TOP1MT: variants seen among roughly 807,000 people sequenced by gnomAD.
The protein encoded by TOP1MT is DNA topoisomerase I, mitochondrial.
Under a neutral mutation model 73.9 loss-of-function variants are expected in TOP1MT, and 80 were observed. That is an observed-to-expected ratio of 1.08 (90% CI 0.90 to 1.30). The LOEUF is 1.30. Ranked by LOEUF, TOP1MT falls within the 50% of genes most tolerant of loss-of-function variation. The pLI is 0.00. For missense variants in TOP1MT, 815 were observed against 808.0 expected (o/e 1.01, Z -0.10); for synonymous variants, 338 against 326.4 (o/e 1.04, Z -0.38).
chr8:143,325,201 A>T, intron 5 of TOP1MT, 145 bp downstream of exon 5: 1 of 782,096 alleles, frequency 1.3e-6, no homozygotes, highest in Non-Finnish European at 2.0e-6. Context: ...GGCCACGCCT[A>T]CAGGCTGAGC....
rs1301291614 is a variant in TOP1MT at position 143,324,092 on chromosome 8, A to G, written c.867T>C (p.Phe289=). The G allele has an allele frequency of 1.9e-6, 3 of 1,613,870 alleles. No individual in the cohort carries two copies. Among genetic ancestry groups the G allele is most frequent in the Admixed American group, 1.7e-5 (1 of 60,022 alleles). Residue 289 remains phenylalanine (F), a synonymous_variant, in exon 7 of 14, where the codon TTT becomes TTC. Transcript: ENST00000329245. ...KFETARRLRG[F]VDEIRSQYRA... ...GGTACTGGGAGCGGATCTCGTCCAC[A>G]AATCCCCGCAGGCGTCGAGCTGTTT...
At position 143,342,081 on chromosome 8, in the gene TOP1MT, ATTATTATTAGAGTCTCGCTCTG is replaced by A. The variant is rs1218858714; in HGVS notation, c.29+1117_29+1138del. Among the ~76,000 whole-genome samples, 125 of 131,518 alleles carry A rather than the reference ATTATTATTAGAGTCTCGCTCTG, an allele frequency of 9.5e-4. 1 individual carries two copies. Among genetic ancestry groups the A allele is most frequent in the African/African-American group, 4.4e-3 (108 of 24,284 alleles). 86.3% of individuals were successfully genotyped at this position (131,518 alleles called of 152,430 possible). On this transcript the variant is annotated intron_variant, in intron 2 of 5. Transcript: ENST00000518007. ...AGAGACAGAGTCTCGCTCTGTTATTATTATTATTAGAGTCTCGCTCTGTTATTATTATTAGAGACACAGTCTC... is the reference window on the plus strand; with the variant it reads ...AGAGACAGAGTCTCGCTCTGTTATTATTATTATTATTAGAGACACAGTCTC...
At chr8:143,316,767 C>T (rs1433556916) in intron 10 of TOP1MT, among the ~76,000 whole-genome samples, 1 of 152,220 alleles carries the variant, frequency 6.6e-6, no homozygotes, top group Admixed American at 6.5e-5. Context: ...CCTACTGGAG[C>T]GGCCACTCCT....
Position 143,329,372 on chromosome 8 carries a change from T to A in TOP1MT, c.338A>T (p.Asn113Ile). Residue 113 changes from asparagine (N) to isoleucine (I), a missense_variant, in exon 3 of 14, where the codon AAC becomes ATC. This residue lies in a region of TOP1MT where 751 missense variants were observed against 725.4 expected (regional missense o/e 1.04). Coordinates refer to ENST00000329245, the MANE Select transcript of TOP1MT (RefSeq NM_052963.3). ...TACCTTTCGCCAGTCATTGAAGAAG[T>A]TCTTCCGGAAAACCTCCTTTGTTGT... ...EYTTKEVFRK[N>I]FFNDWRKEMA... 2 of 1,607,990 alleles carry A rather than the reference T, an allele frequency of 1.2e-6. No homozygotes were observed. Among genetic ancestry groups the A allele is most frequent in the South Asian group, 2.2e-5 (2 of 90,074 alleles).
rs1563758787 is a variant in TOP1MT at position 143,322,128 on chromosome 8, G to GGCACGCCACAC, written c.961-753_961-743dup. ...GCCACACATGCACGCCACACACACAGGCACGCCACACAGGCACGCCACACG... is the reference window on the plus strand; with the variant it reads ...GCCACACATGCACGCCACACACACAGGCACGCCACACGCACGCCACACAGGCACGCCACACG... On this transcript the variant is annotated intron_variant, in intron 7 of 13. Transcript: ENST00000329245. Among the ~76,000 whole-genome samples, 85 of 17,642 alleles carry GGCACGCCACAC rather than the reference G, an allele frequency of 4.8e-3. 8 individuals are homozygous for GGCACGCCACAC. The highest frequency in any genetic ancestry group is 0.01 in the African/African-American group (82 of 7,930). 11.6% of individuals were successfully genotyped at this position (17,642 alleles called of 152,430 possible). A position where few individuals can be genotyped will look rare whatever the true frequency, so the allele number is the denominator to read the frequency against.
rs756698265 is a variant in TOP1MT, at chr8:143,331,273, G to A, written c.189C>T (p.Phe63=). 22 of 1,612,204 alleles carry A rather than the reference G, an allele frequency of 1.4e-5. No homozygotes were observed. Among genetic ancestry groups the A allele is most frequent in the East Asian group, 4.5e-5 (2 of 44,856 alleles). The change falls in exon 2 of 14, where the codon TTC becomes TTT. Residue 63 remains phenylalanine, a synonymous_variant. Transcript: ENST00000329245. The stretch of plus-strand genomic sequence containing the variant: ...CGGGAAGGGGCTCGTATGGGGGTGC[G>A]AAGTACGGGCCCTTGTGCTCCAGCT... ...WRQLEHKGPY[F]APPYEPLPDG...
chr8:143,322,177 G>A (rs189268365), intron 7 of TOP1MT, among the ~76,000 whole-genome samples: 9 of 46,664 alleles, frequency 1.9e-4, no homozygotes, highest in Non-Finnish European at 1.6e-4. Flanking sequence ...CATGCCACAC[G>A]CACGCCACAC....
chr8:143,355,752 AT>A (rs139497259), intron 1 of TOP1MT, among the ~76,000 whole-genome samples: 6,271 of 152,236 alleles, frequency 0.041, 439 homozygotes, highest in African/African-American at 0.14. Context: ...GGCGGCTCGC[AT>A]TACGAACCTG....
chr8:143,339,678 T>C (rs1817040366), upstream of TOP1MT, among the ~76,000 whole-genome samples: 1 of 152,110 alleles, frequency 6.6e-6, no homozygotes, highest in Admixed American at 6.5e-5. Context: ...CACTGTAGCA[T>C]TCCCACATTC....
At chr8:143,310,473 T>C (rs908928207) in intron 12 of TOP1MT, 6 of 366,008 alleles carry the variant, frequency 1.6e-5, no homozygotes, top group African/African-American at 1.3e-4. Context: ...CGCAGGAGGG[T>C]GAGATGCTCG....
chr8:143,351,542 C>A (rs765085295), intron 1 of TOP1MT, among the ~76,000 whole-genome samples: 1 of 149,354 alleles, frequency 6.7e-6, no homozygotes. Context: ...ATCATGCCAC[C>A]GCACTCCAGT....
rs760723819 is a variant in TOP1MT, at chr8:143,329,349, C to T, written c.360+1G>A. The T allele has an allele frequency of 3.7e-6, 6 of 1,604,290 alleles. No individual in the cohort carries two copies. Among genetic ancestry groups the T allele is most frequent in the African/African-American group, 2.7e-5 (2 of 74,130 alleles). ...CTGTGGCGGCCGCCCAGGGTACCTA[C>T]CTTTCGCCAGTCATTGAAGAAGTTC... On this transcript the variant is annotated splice_donor_variant, in intron 3 of 13. Transcript: ENST00000329245. LOFTEE classifies it high-confidence loss of function.
chr8:143,344,770 C>T lies in TOP1MT; in HGVS notation c.-39+146G>A, dbSNP rs1451231521. 2 of 152,444 alleles carry T rather than the reference C, an allele frequency of 1.3e-5. No individual in the cohort carries two copies. Among genetic ancestry groups the T allele is most frequent in the African/African-American group, 2.4e-5 (1 of 41,438 alleles). 9.4% of individuals were successfully genotyped at this position (152,444 alleles called of 1,614,324 possible). On this transcript the variant is annotated intron_variant, in intron 1 of 5. Coordinates refer to the TOP1MT transcript ENST00000518007. The surrounding 1 kb of genome is among the most constrained non-coding windows in gnomAD (Gnocchi z 4.6). ...CCAGGCTCCATGTTGTCCGTAAGTCCAGGGCCCAGCACCTAAGGGTGATTA... is the reference window on the plus strand; with the variant it reads ...CCAGGCTCCATGTTGTCCGTAAGTCTAGGGCCCAGCACCTAAGGGTGATTA...
Position 143,323,996 on chromosome 8 carries a change from T to G in TOP1MT, c.960+3A>C. ...GCCGCCAGGAAGCGAGAAGGCCGCA[T>G]ACCTTATCGATGAAATACAGGGCCA... On this transcript the variant is annotated splice_donor_region_variant and intron_variant, in intron 7 of 13. Coordinates refer to ENST00000329245, the MANE Select transcript of TOP1MT (RefSeq NM_052963.3). 6.2e-7 allele frequency: 1 copy of G among 1,613,548 alleles called. No individual in the cohort carries two copies. The highest frequency in any genetic ancestry group is 1.1e-5 in the South Asian group (1 of 91,070).
In TOP1MT at chr8:143,332,557, G is replaced by A. The variant is rs1339324514; in HGVS notation, c.123-1218C>T. 1.3e-5 allele frequency: 17 copies of A among 1,289,318 alleles called. No homozygotes were observed. In the East Asian group the frequency reaches 1.7e-4, roughly 13 times the overall value. 79.9% of individuals were successfully genotyped at this position (1,289,318 alleles called of 1,614,324 possible). A position where few individuals can be genotyped will look rare whatever the true frequency, so the allele number is the denominator to read the frequency against. On this transcript the variant is annotated intron_variant, in intron 1 of 13. Transcript: ENST00000329245. Reference sequence around the variant, plus strand: ...TGTTGGGGGCCTGGTGGGCCTGGTCGGCTGGGATGAGTGTCCTCAGAGCAA... The same window carrying A: ...TGTTGGGGGCCTGGTGGGCCTGGTCAGCTGGGATGAGTGTCCTCAGAGCAA...
intron 8 of TOP1MT, 134 bp downstream of exon 8, chr8:143,321,067 G>T: frequency 4.5e-6 from 4 of 896,318 alleles, no homozygotes; most frequent in Non-Finnish European, 6.7e-6. Flanking sequence ...GATCAGCCCC[G>T]GCACAGCAGG....
Position 143,334,820 on chromosome 8 carries a change from C to G in TOP1MT, c.42G>C (p.Thr14=), listed in dbSNP as rs765109877. 1 of 1,550,218 alleles carries G rather than the reference C, an allele frequency of 6.5e-7. No individual in the cohort carries two copies. The highest frequency in any genetic ancestry group is 8.6e-7 in the Non-Finnish European group (1 of 1,158,954). Residue 14 remains threonine, a synonymous_variant, in exon 1 of 14, where the codon ACG becomes ACC. Coordinates refer to ENST00000329245, the MANE Select transcript of TOP1MT (RefSeq NM_052963.3). ...GGCGGCGGGGGACCTCCCCGAGCAGCGTCAGAGCCGCCCGGAGCCGCAGCA... is the reference window on the plus strand; with the variant it reads ...GGCGGCGGGGGACCTCCCCGAGCAGGGTCAGAGCCGCCCGGAGCCGCAGCA... ...VRLLRLRAAL[T]LLGEVPRRPA... is the part of the protein sequence containing the mutation.
At chr8:143,314,322 G>A (rs1488678968) in intron 12 of TOP1MT, among the ~76,000 whole-genome samples, 52 of 152,138 alleles carry the variant, frequency 3.4e-4, no homozygotes, top group Admixed American at 3.4e-3. Context: ...AGTTGGCCAG[G>A]TGCAGTGGCT....
In TOP1MT at chr8:143,332,383, C is replaced by A. The variant is rs190280880; in HGVS notation, c.123-1044G>T. ...AAGGCCTCAGTGGGAGAGGCTTTGG[C>A]GAGAGGGTGGGAGCACCATCAGGAT... On this transcript the variant is annotated intron_variant, in intron 1 of 13. Coordinates refer to ENST00000329245, the MANE Select transcript of TOP1MT (RefSeq NM_052963.3). 7.9e-6 allele frequency: 7 copies of A among 883,372 alleles called. No individual in the cohort carries two copies. The Admixed American group carries it at 1.7e-4, about 21-fold the overall frequency. The allele number at this position is 883,372 out of a possible 1,614,324, so 54.7% of individuals were successfully genotyped here. A position where few individuals can be genotyped will look rare whatever the true frequency, so the allele number is the denominator to read the frequency against.
Sources: gnomAD v4.1 joint callset for allele counts (sites outside exome capture counted in the v4.1 genomes callset) on GRCh38, gnomAD v4.1.1 for gene constraint, gnomAD v4.1.1 regional missense constraint, Gnocchi (gnomAD v3.1) non-coding constraint, MANE v1.5 for transcripts, NCBI Gene and HGNC (gene_info 2026-07-23, HGNC 2026-07-21) for gene names.